NNT: variants seen among roughly 807,000 people sequenced by gnomAD.
The protein encoded by NNT is nicotinamide nucleotide transhydrogenase, also known as NAD(P) transhydrogenase, mitochondrial.
In NNT, 50 loss-of-function variants were observed where a neutral mutation model predicts 104.8. That is an observed-to-expected ratio of 0.48 (90% CI 0.38 to 0.60). NNT has a LOEUF of 0.60. Among genes scored for constraint, NNT ranks in the 20% least tolerant of loss-of-function variants. The pLI is 0.00. For missense variants in NNT, 1,131 were observed against 1,330.7 expected, an observed-to-expected ratio of 0.85 and a Z score of 2.33; for synonymous variants, 461 against 490.4, an observed-to-expected ratio of 0.94 and a Z score of 0.79.
chr5:43,692,533 AG>A (rs1207388374), intron 19 of NNT, among the ~76,000 whole-genome samples: 1 of 152,184 alleles, frequency 6.6e-6, no homozygotes, highest in Admixed American at 6.5e-5. Flanking sequence ...CATGTTGGCC[AG>A]GCTGGTCTCG....
At chr5:43,691,927 G>A (rs979871930) in intron 19 of NNT, among the ~76,000 whole-genome samples, 4 of 152,176 alleles carry the variant, frequency 2.6e-5, no homozygotes, top group African/African-American at 9.7e-5. Flanking sequence ...CTACCAAACA[G>A]TGCATTAAAA....
intron 17 of NNT, among the ~76,000 whole-genome samples, chr5:43,663,883 A>C (rs927019437): frequency 1.3e-5 from 2 of 152,222 alleles, no homozygotes; most frequent in Non-Finnish European, 2.9e-5. Flanking sequence ...CATTAGAGAA[A>C]TATTTTATTT....
chr5:43,698,939 T>G (rs1206592795), intron 19 of NNT, among the ~76,000 whole-genome samples: 1 of 151,476 alleles, frequency 6.6e-6, no homozygotes, highest in African/African-American at 2.4e-5. Flanking sequence ...GGATTAGACC[T>G]TAGAAGGGTC....
At chr5:43,664,326 C>T (rs756085999) in intron 17 of NNT, among the ~76,000 whole-genome samples, 39 of 152,206 alleles carry the variant, frequency 2.6e-4, no homozygotes, top group African/African-American at 5.3e-4. Context: ...ATTTTCAGAT[C>T]GAATTTTCTG....
At chr5:43,628,139 A>T in intron 6 of NNT, 61 bp from the exon 7 acceptor site, 1 of 1,289,254 alleles carries the variant, frequency 7.8e-7, no homozygotes, top group Non-Finnish European at 1.0e-6. Flanking sequence ...GTAAATGATG[A>T]TCTTGACTTC....
chr5:43,672,315 C>T (rs949664657), intron 17 of NNT, among the ~76,000 whole-genome samples: 4 of 152,216 alleles, frequency 2.6e-5, no homozygotes, highest in South Asian at 4.1e-4. Flanking sequence ...AGCTTTGTTC[C>T]ATTGCTGGCG....
chr5:43,606,301 A>G (rs942191419), intron 1 of NNT, among the ~76,000 whole-genome samples: 1 of 152,080 alleles, frequency 6.6e-6, no homozygotes, highest in Non-Finnish European at 1.5e-5. Context: ...AATGGTGGGG[A>G]AAAAAAATCT....
Position 43,704,497 on chromosome 5 carries a change from G to A in NNT, c.*93G>A. ...TCAGTATACATGGTGATGTACATCT[G>A]TAGCAAAGCTCTTGGAGAAAATGAA... On this transcript the variant is annotated 3_prime_UTR_variant, in exon 22 of 22. Coordinates refer to ENST00000344920, the MANE Select transcript of NNT (RefSeq NM_182977.3). 1.5e-6 allele frequency: 2 copies of A among 1,298,430 alleles called. No individual in the cohort carries two copies. Among genetic ancestry groups the A allele is most frequent in the Non-Finnish European group, 2.1e-6 (2 of 942,810 alleles). The allele number at this position is 1,298,430 out of a possible 1,614,324, so 80.4% of individuals were successfully genotyped here.
At chr5:43,623,949 C>T (rs746815446) in intron 5 of NNT, 83 bp from the exon 6 acceptor site, 148 of 1,262,240 alleles carry the variant, frequency 1.2e-4, no homozygotes, top group Non-Finnish European at 1.6e-4. Context: ...TAAACTTATA[C>T]TAGGCACCAA....
At chr5:43,607,611 C>T (rs953030708) in intron 1 of NNT, among the ~76,000 whole-genome samples, 6 of 152,168 alleles carry the variant, frequency 3.9e-5, no homozygotes, top group Non-Finnish European at 8.8e-5. Context: ...ATAACAACGC[C>T]CGGCTAATTT....
At position 43,702,691 on chromosome 5, in the gene NNT, T is replaced by C. The variant is rs746430208; in HGVS notation, c.3066T>C (p.Ser1022=). Residue 1022 remains serine, a synonymous_variant, in exon 21 of 22, where the codon TCT becomes TCC. Coordinates refer to ENST00000344920, the MANE Select transcript of NNT (RefSeq NM_182977.3). ...VNSAAQEDPN[S]IIAGMPVLEV... Reference sequence around the variant, plus strand: ...CAGCAGCTCAAGAAGATCCCAACTCTATTATTGCAGGCATGCCAGTCCTTG... The same window carrying C: ...CAGCAGCTCAAGAAGATCCCAACTCCATTATTGCAGGCATGCCAGTCCTTG... 3.7e-6 allele frequency: 6 copies of C among 1,612,936 alleles called. No individual in the cohort carries two copies. In the East Asian group the frequency reaches 6.7e-5, roughly 18 times the overall value.
intron 7 of NNT, among the ~76,000 whole-genome samples, chr5:43,636,997 A>G (rs1489406182): frequency 1.3e-5 from 2 of 152,180 alleles, no homozygotes; most frequent in Non-Finnish European, 2.9e-5. Context: ...AAATATCTCA[A>G]GGGGTCCAGT....
intron 14 of NNT, among the ~76,000 whole-genome samples, chr5:43,655,257 G>C (rs1445247313): frequency 6.6e-6 from 1 of 152,192 alleles, no homozygotes; most frequent in African/African-American, 2.4e-5. Context: ...TTTGTGACGG[G>C]AAGAGGCACG....
At position 43,613,076 on chromosome 5, in the gene NNT, G is replaced by C. The variant is rs374269050; in HGVS notation, c.320G>C (p.Arg107Thr). The C allele has an allele frequency of 1.9e-6, 3 of 1,614,030 alleles. No individual in the cohort carries two copies. In the African/African-American group the frequency reaches 4.0e-5, roughly 22 times the overall value. ...EASKFSDDHY[R>T]VAGAQIQGAK... ...TCCAAGTTCTCAGATGATCACTATA[G>C]AGTGGCAGGTGCCCAAATCCAAGGG... The change falls in exon 3 of 22, where the codon AGA becomes ACA. Residue 107 changes from arginine to threonine, a missense_variant. By Grantham distance (71) the Arg-to-Thr change is moderately conservative. Transcript: ENST00000344920.
chr5:43,646,912 G>A (rs1201059008), intron 10 of NNT, among the ~76,000 whole-genome samples: 1 of 151,978 alleles, frequency 6.6e-6, no homozygotes, highest in African/African-American at 2.4e-5. Flanking sequence ...ATAATTTATT[G>A]TAAAGTGATG....
intron 17 of NNT, among the ~76,000 whole-genome samples, chr5:43,671,538 T>A (rs1305915198): frequency 6.6e-6 from 1 of 152,218 alleles, no homozygotes; most frequent in African/African-American, 2.4e-5. Context: ...CTCCTTGACT[T>A]ATGAAGCTTA....
At chr5:43,687,114 GT>G (rs1234775791) in intron 19 of NNT, among the ~76,000 whole-genome samples, 1 of 152,076 alleles carries the variant, frequency 6.6e-6, no homozygotes. Flanking sequence ...ATAAGACATG[GT>G]TTGTTCCTAT....
chr5:43,659,291 A>T lies in NNT; in HGVS notation c.2575A>T (p.Thr859Ser), dbSNP rs199783437. ...EGFLLNNNLLTIVGALIGSSG... is the reference protein window; with the variant it reads ...EGFLLNNNLLSIVGALIGSSG... Reference sequence around the variant, plus strand: ...CTTCCTGCTCAACAACAATCTGCTGACCATCGTGGGTGCACTCATAGGCTC... The same window carrying T: ...CTTCCTGCTCAACAACAATCTGCTGTCCATCGTGGGTGCACTCATAGGCTC... The change falls in exon 17 of 22, where the codon ACC (threonine) becomes TCC (serine). Residue 859 changes from threonine to serine, a missense_variant. Thr to Ser is a moderately conservative substitution (Grantham distance 58). Transcript: ENST00000344920. 55 of 1,613,986 alleles carry T rather than the reference A, an allele frequency of 3.4e-5. No individual in the cohort carries two copies. In the African/African-American group the frequency reaches 7.2e-4, roughly 21 times the overall value.
At chr5:43,640,114 A>T (rs1236603328) in intron 7 of NNT, among the ~76,000 whole-genome samples, 2 of 151,870 alleles carry the variant, frequency 1.3e-5, no homozygotes. Context: ...TGTGCTCATT[A>T]TTATTTTCTT....
Sources: allele counts gnomAD v4.1 joint callset (sites outside exome capture counted in the v4.1 genomes callset), GRCh38; gene constraint gnomAD v4.1.1; transcripts MANE v1.5; gene names NCBI Gene and HGNC (gene_info 2026-07-23, HGNC 2026-07-21).